Variants in GGCX observed in about 807,000 individuals in gnomAD.
The protein encoded by GGCX is vitamin K-dependent gamma-carboxylase.
Under a neutral mutation model 88.5 loss-of-function variants are expected in GGCX, and 63 were observed. The observed-to-expected ratio is 0.71, with a 90% CI of 0.58 to 0.88. The LOEUF (loss-of-function observed/expected upper bound fraction) is 0.88, where lower values mean the gene tolerates loss of function less well. GGCX is among the 40% of genes least tolerant of loss of function. GGCX has a pLI of 0.00. For synonymous variants in GGCX, 368 were observed against 365.8 expected (o/e 1.01, Z -0.07); for missense variants, 805 against 932.9 (o/e 0.86, Z 1.79).
At position 85,550,681 on chromosome 2, in the gene GGCX, G is replaced by A. The variant is rs1304324616; in HGVS notation, c.1958C>T (p.Thr653Ile). 1 of 1,614,004 alleles carries A rather than the reference G, an allele frequency of 6.2e-7. No homozygotes were observed. The highest frequency in any genetic ancestry group is 1.1e-5 in the South Asian group (1 of 91,070). ...TCTAAGAAAGGTCTGAACCAGAGGT[G>A]TTGGCTCAGGGCCCCCTTTTACTTC... ...EGEVKGGPEP[T>I]PLVQTFLRRQ... The change falls in exon 14 of 15, where the codon ACA becomes ATA. Residue 653 changes from threonine to isoleucine, a missense_variant. Coordinates refer to ENST00000233838, the MANE Select transcript of GGCX (RefSeq NM_000821.7).
chr2:85,554,442 T>C (rs975532381), intron 6 of GGCX, 136 bp from the exon 7 acceptor site: 5 of 757,824 alleles, frequency 6.6e-6, no homozygotes, highest in African/African-American at 3.8e-5. Flanking sequence ...ATGAAGACAC[T>C]CCTCTAGGTT....
rs964648681 is a variant in GGCX, at chr2:85,547,127, C to G, written c.*2807G>C. 6.6e-6 allele frequency: 1 copy of G among 152,256 alleles called. No individual in the cohort carries two copies. The highest frequency in any genetic ancestry group is 2.4e-5 in the African/African-American group (1 of 41,416). The allele number at this position is 152,256 out of a possible 1,614,324, so 9.4% of individuals were successfully genotyped here. A position where few individuals can be genotyped will look rare whatever the true frequency, so the allele number is the denominator to read the frequency against. ...TAGGCCACAGGGAGCAGAGGGAAAG[C>G]ATAACAGCAGGGGATGATAAGGGTG... On this transcript the variant is annotated 3_prime_UTR_variant, in exon 15 of 15. Transcript: ENST00000233838.
At position 85,552,851 on chromosome 2, in the gene GGCX, T is replaced by G. The variant is rs1399274766; in HGVS notation, c.1287+88A>C. The G allele has an allele frequency of 2.8e-6, 4 of 1,448,004 alleles. No individual in the cohort carries two copies. In the African/African-American group the frequency reaches 5.6e-5, roughly 20 times the overall value. The allele number at this position is 1,448,004 out of a possible 1,614,324, so 89.7% of individuals were successfully genotyped here. A position where few individuals can be genotyped will look rare whatever the true frequency, so the allele number is the denominator to read the frequency against. The stretch of plus-strand genomic sequence containing the variant: ...AGGCAAAGCAGACTCAAATTTGTTT[T>G]GCTTTATGGTGTGTGTAAGACAAAA... On this transcript the variant is annotated intron_variant, in intron 9 of 14. Coordinates refer to ENST00000233838, the MANE Select transcript of GGCX (RefSeq NM_000821.7).
In GGCX at chr2:85,549,753, T is replaced by TA; in HGVS notation, c.*180dup. On this transcript the variant is annotated 3_prime_UTR_variant, in exon 15 of 15. Transcript: ENST00000233838. Reference sequence around the variant, plus strand: ...CTCTTAATCTTGGGTTGTTAAATCTTATTTGCTTTATTTCCTTGGTTCCTC... The same window carrying TA: ...CTCTTAATCTTGGGTTGTTAAATCTTAATTTGCTTTATTTCCTTGGTTCCTC... 1 of 616,884 alleles carries TA rather than the reference T, an allele frequency of 1.6e-6. No homozygotes were observed. The highest frequency in any genetic ancestry group is 2.9e-6 in the Non-Finnish European group (1 of 350,032). 38.2% of individuals were successfully genotyped at this position (616,884 alleles called of 1,614,324 possible).
At chr2:85,552,327 A>G in intron 10 of GGCX, 89 bp downstream of exon 10, 1 of 1,299,328 alleles carries the variant, frequency 7.7e-7, no homozygotes. Context: ...CAGCTTTTTA[A>G]GCAAGACAAT....
chr2:85,559,332 A>G (rs565109394), intron 2 of GGCX, among the ~76,000 whole-genome samples: 2 of 152,320 alleles, frequency 1.3e-5, no homozygotes, highest in African/African-American at 4.8e-5. Flanking sequence ...GACTACAGAG[A>G]GGATTAAATT....
rs1558802692 is a variant in GGCX, at chr2:85,548,608, C to G, written c.*1326G>C. On this transcript the variant is annotated 3_prime_UTR_variant, in exon 15 of 15. Transcript: ENST00000233838. ...GGGAAGAGAAGCCTGCAAAGAGATG[C>G]AATCATTTACAGAAGTTACTGAGAC... 6.6e-6 allele frequency: 1 copy of G among 152,178 alleles called. No homozygotes were observed. The highest frequency in any genetic ancestry group is 1.5e-5 in the Non-Finnish European group (1 of 68,044). 9.4% of individuals were successfully genotyped at this position (152,178 alleles called of 1,614,324 possible).
At position 85,561,477 on chromosome 2, in the gene GGCX, G is replaced by C; in HGVS notation, c.-49C>G. The C allele has an allele frequency of 7.0e-7, 1 of 1,428,064 alleles. No individual in the cohort carries two copies. Among genetic ancestry groups the C allele is most frequent in the Non-Finnish European group, 9.7e-7 (1 of 1,035,066 alleles). The allele number at this position is 1,428,064 out of a possible 1,614,324, so 88.5% of individuals were successfully genotyped here. On this transcript the variant is annotated 5_prime_UTR_variant, in exon 1 of 15. Coordinates refer to ENST00000233838, the MANE Select transcript of GGCX (RefSeq NM_000821.7). ...GTCACAGCTGCCGCGTCTGAACGGA[G>C]GCCGCCAGGAGAATTTGCTTCCCTA...
intron 9 of GGCX, 76 bp downstream of exon 9, chr2:85,552,859 GGTGT>G (rs1299743786): frequency 1.3e-5 from 19 of 1,481,910 alleles, no homozygotes; most frequent in Middle Eastern, 1.7e-4. Flanking sequence ...TTTGCTTTAT[GGTGT>G]GTGTAAGACA....
At chr2:85,552,248 G>A (rs1180106686) in intron 10 of GGCX, among the ~76,000 whole-genome samples, 168 bp downstream of exon 10, 4 of 152,188 alleles carry the variant, frequency 2.6e-5, no homozygotes, top group African/African-American at 9.7e-5. Flanking sequence ...CTGGATGATG[G>A]TGCCCCCTGC....
At chr2:85,554,519 G>A in intron 6 of GGCX, 1 of 598,322 alleles carries the variant, frequency 1.7e-6, no homozygotes, top group Non-Finnish European at 3.0e-6. Context: ...AGGCTGGAAG[G>A]CAATGGCATG....
intron 4 of GGCX, among the ~76,000 whole-genome samples, chr2:85,557,877 C>G (rs1209938369): frequency 6.6e-6 from 1 of 152,150 alleles, no homozygotes; most frequent in Non-Finnish European, 1.5e-5. Flanking sequence ...TATAAAGAAT[C>G]CTTAAGGTCA....
In GGCX at chr2:85,547,530, C is replaced by G. The variant is rs1406186864; in HGVS notation, c.*2404G>C. The G allele has an allele frequency of 6.6e-6, 1 of 152,182 alleles. No individual in the cohort carries two copies. The highest frequency in any genetic ancestry group is 1.5e-5 in the Non-Finnish European group (1 of 68,016). 9.4% of individuals were successfully genotyped at this position (152,182 alleles called of 1,614,324 possible). On this transcript the variant is annotated 3_prime_UTR_variant, in exon 15 of 15. Transcript: ENST00000233838. ...ATCCTTGCCCATATTTAGAAAAATA[C>G]TTTTTCAAGTGTCTTCTCCCAAGTA...
chr2:85,558,547 C>T lies in GGCX; in HGVS notation c.432G>A (p.Leu144=). The T allele has an allele frequency of 2.5e-6, 4 of 1,613,054 alleles. No individual in the cohort carries two copies. The highest frequency in any genetic ancestry group is 3.4e-6 in the Non-Finnish European group (4 of 1,179,042). ...CCAGGAGAAACACATACCAGTATGG[C>T]AGCAGGAATAACACACAGCTTATCC... ...CYRISCVLFL[L]PYWYVFLLDK... is the part of the protein sequence containing the mutation. Residue 144 remains leucine, a synonymous_variant, in exon 4 of 15, where the codon CTG becomes CTA. Transcript: ENST00000233838.
rs1691740364 is a variant in GGCX, at chr2:85,547,611, T to C, written c.*2323A>G. The C allele has an allele frequency of 6.6e-6, 1 of 152,198 alleles. No homozygotes were observed. Among genetic ancestry groups the C allele is most frequent in the South Asian group, 2.1e-4 (1 of 4,832 alleles). The allele number at this position is 152,198 out of a possible 1,614,324, so 9.4% of individuals were successfully genotyped here. On this transcript the variant is annotated 3_prime_UTR_variant, in exon 15 of 15. Transcript: ENST00000233838. ...GGTACAGTGAGTTTGGCAAACAACATAGTGGCAAAGTATCTTCTATTGTGT... is the reference window on the plus strand; with the variant it reads ...GGTACAGTGAGTTTGGCAAACAACACAGTGGCAAAGTATCTTCTATTGTGT...
intron 4 of GGCX, among the ~76,000 whole-genome samples, chr2:85,557,403 C>T (rs1273457045): frequency 6.6e-6 from 1 of 152,048 alleles, no homozygotes; most frequent in African/African-American, 2.4e-5. Flanking sequence ...GGAAGGATCA[C>T]CTAAACACAA....
rs1289235622 is a variant in GGCX at position 85,548,753 on chromosome 2, TGAG to T, written c.*1178_*1180del. 6.6e-6 allele frequency: 1 copy of T among 152,228 alleles called. No individual in the cohort carries two copies. The highest frequency in any genetic ancestry group is 2.4e-5 in the African/African-American group (1 of 41,452). 9.4% of individuals were successfully genotyped at this position (152,228 alleles called of 1,614,324 possible). A position where few individuals can be genotyped will look rare whatever the true frequency, so the allele number is the denominator to read the frequency against. On this transcript the variant is annotated 3_prime_UTR_variant, in exon 15 of 15. Coordinates refer to ENST00000233838, the MANE Select transcript of GGCX (RefSeq NM_000821.7). ...CCAACCCTTTGAATTTTCACTGAAC[TGAG>T]GAGCTTCCTGAGTTACCCTTGTATA... is the stretch of plus-strand genomic sequence containing the variant.
intron 4 of GGCX, among the ~76,000 whole-genome samples, chr2:85,556,631 TA>T (rs74936124): frequency 0.03 from 4,520 of 151,480 alleles, 93 homozygotes; most frequent in Middle Eastern, 0.083. Flanking sequence ...GTATTATCTT[TA>T]AAAAAAAATG....
chr2:85,559,288 A>G (rs1173530334), intron 2 of GGCX, among the ~76,000 whole-genome samples: 1 of 152,196 alleles, frequency 6.6e-6, no homozygotes, highest in African/African-American at 2.4e-5. Context: ...CGGTTAACCA[A>G]TTCCCCATTT....
Sources: allele counts gnomAD v4.1 joint callset (sites outside exome capture counted in the v4.1 genomes callset), GRCh38; gene constraint gnomAD v4.1.1; transcripts MANE v1.5; gene names NCBI Gene and HGNC (gene_info 2026-07-23, HGNC 2026-07-21).